RNF213: variants seen among roughly 807,000 people sequenced by gnomAD.
The protein encoded by RNF213 is ring finger protein 213, also known as E3 ubiquitin-protein ligase RNF213.
RNF213 carries 341 observed loss-of-function variants against 514.4 expected under a neutral mutation model. The ratio of observed to expected loss-of-function variants is 0.66; its 90% CI spans 0.61 to 0.73. The LOEUF is 0.73. Ranked by LOEUF, RNF213 falls within the 30% of genes least tolerant of loss-of-function variation. The pLI is 0.00. For missense variants in RNF213, 5,767 were observed against 6,615.6 expected (o/e 0.87, Z 4.45); for synonymous variants, 2,655 against 2,658.2 (o/e 1.00, Z 0.04).
intron 8 of RNF213, among the ~76,000 whole-genome samples, chr17:80,293,685 G>C (rs1053678926): frequency 6.6e-6 from 1 of 152,074 alleles, no homozygotes; most frequent in Non-Finnish European, 1.5e-5. Context: ...TTGGCCGGGC[G>C]TCTTGGCAGC....
At position 80,288,816 on chromosome 17, in the gene RNF213, T is replaced by G. The variant is rs2044572501; in HGVS notation, c.933+61T>G. The G allele has an allele frequency of 6.2e-7, 1 of 1,612,074 alleles. No individual in the cohort carries two copies. The highest frequency in any genetic ancestry group is 1.1e-5 in the South Asian group (1 of 91,018). ...CCTCTCCTGCCCACGGCTGCGCCTC[T>G]TTCATTTAATTATTCAGCAAATATT... On this transcript the variant is annotated intron_variant, in intron 5 of 67. Transcript: ENST00000582970. The surrounding 1 kb of genome is among the most constrained non-coding windows in gnomAD (Gnocchi z 4.9).
chr17:80,292,782 G>T (rs1321546811), intron 8 of RNF213, among the ~76,000 whole-genome samples: 1 of 152,044 alleles, frequency 6.6e-6, no homozygotes, highest in Non-Finnish European at 1.5e-5. Context: ...GGGGGGTCCT[G>T]GGCTTCCCCT....
rs74506458 is a variant in RNF213 at position 80,268,493 on chromosome 17, G to A, written c.97+4715G>A. Among the ~76,000 whole-genome samples the A allele has an allele frequency of 5.7e-3, 870 of 152,182 alleles. 12 individuals are homozygous for A. Among genetic ancestry groups the A allele is most frequent in the African/African-American group, 0.02 (836 of 41,530 alleles). On this transcript the variant is annotated intron_variant, in intron 2 of 67. Coordinates refer to ENST00000582970, the MANE Select transcript of RNF213 (RefSeq NM_001256071.3). ...CCCCTATTTGGCCTTTGTGGAAGAC[G>A]GGTGGATCTTGGGAATGAAAATGAA... is the stretch of plus-strand genomic sequence containing the variant.
At position 80,261,229 on chromosome 17, in the gene RNF213, G is replaced by C. The variant is rs1055842026; in HGVS notation, c.-109+327G>C. Among the ~76,000 whole-genome samples, 5 of 152,210 alleles carry C rather than the reference G, an allele frequency of 3.3e-5. No homozygotes were observed. In the East Asian group the frequency reaches 5.8e-4, roughly 18 times the overall value. On this transcript the variant is annotated intron_variant, in intron 1 of 67. Transcript: ENST00000582970. ...CAGTGCTGCCCCCGGGAAGTGGCCG[G>C]GGCACGGGGGGTGTAGTGGAAGGGG...
chr17:80,388,279 G>A (rs2080318780), intron 63 of RNF213, among the ~76,000 whole-genome samples: 1 of 152,240 alleles, frequency 6.6e-6, no homozygotes, highest in South Asian at 2.1e-4. Context: ...GTGACTGCCT[G>A]TGCATGGTCT....
intron 1 of RNF213, among the ~76,000 whole-genome samples, chr17:80,262,324 T>A (rs745748901): frequency 2.6e-5 from 4 of 152,078 alleles, no homozygotes; most frequent in South Asian, 2.1e-4. Context: ...ATGCAAATTG[T>A]CCCATACACC....
intron 38 of RNF213, chr17:80,360,447 G>C (rs539453309): frequency 5.5e-6 from 3 of 540,666 alleles, no homozygotes; most frequent in Non-Finnish European, 1.0e-5. Context: ...GCAGGAGCCT[G>C]TGAGATGGTT....
chr17:80,314,354 A>G (rs1269677768), intron 15 of RNF213, among the ~76,000 whole-genome samples: 1 of 5,972 alleles, frequency 1.7e-4, no homozygotes, highest in African/African-American at 4.8e-4. Context: ...TGGTGGAGGT[A>G]CTGGAGGTGA....
intron 26 of RNF213, among the ~76,000 whole-genome samples, chr17:80,342,704 T>C (rs2078191810): frequency 6.8e-6 from 1 of 146,240 alleles, no homozygotes; most frequent in Non-Finnish European, 1.5e-5. Flanking sequence ...ATATATTCTA[T>C]ATATACATAT....
Position 80,339,572 on chromosome 17 carries a change from C to A in RNF213, c.5205C>A (p.Asn1735Lys), listed in dbSNP as rs1194916490. The A allele has an allele frequency of 6.5e-7, 1 of 1,537,096 alleles. No homozygotes were observed. The highest frequency in any genetic ancestry group is 8.7e-7 in the Non-Finnish European group (1 of 1,146,884). The change falls in exon 26 of 68, where the codon AAC becomes AAA. Residue 1735 changes from asparagine to lysine, a missense_variant. By Grantham distance (94) the Asn-to-Lys change is moderately conservative (BLOSUM62 0). This residue lies in a region of RNF213 where 1,377 missense variants were observed against 1,635.2 expected (regional missense o/e 0.84). Coordinates refer to ENST00000582970, the MANE Select transcript of RNF213 (RefSeq NM_001256071.3). ...ALTMLSFIKS[N>K]CTLRDVLRAS... ...CGATGCTATCCTTCATCAAAAGCAA[C>A]TGCACCCTGAGGGATGTCTTAAGGG...
intron 51 of RNF213, 52 bp downstream of exon 51, chr17:80,375,922 T>G (rs1339401429): frequency 3.2e-6 from 4 of 1,260,574 alleles, no homozygotes; most frequent in Non-Finnish European, 4.7e-6. Flanking sequence ...TTGGAGGGAT[T>G]TTATTGAATA....
In RNF213 at chr17:80,363,126, T is replaced by C. The variant is rs2079117151; in HGVS notation, c.11380T>C (p.Cys3794Arg). 1 of 1,614,108 alleles carries C rather than the reference T, an allele frequency of 6.2e-7. No homozygotes were observed. Among genetic ancestry groups the C allele is most frequent in the African/African-American group, 1.3e-5 (1 of 74,950 alleles). Reference sequence around the variant, plus strand: ...GTTTCTGCAGATGGCTCTGTGGTCCTGCACTAGGAAACTGAAAGCGGCGTC... The same window carrying C: ...GTTTCTGCAGATGGCTCTGTGGTCCCGCACTAGGAAACTGAAAGCGGCGTC... ...LKFLQMALWS[C>R]TRKLKAASEA... The change falls in exon 40 of 68, where the codon TGC (cysteine) becomes CGC (arginine). Residue 3794 changes from cysteine to arginine, a missense_variant. Around this residue, in one of 13 missense-constraint regions of RNF213, gnomAD observed 355 missense variants for 358.0 expected, o/e 0.99. Coordinates refer to ENST00000582970, the MANE Select transcript of RNF213 (RefSeq NM_001256071.3).
At position 80,361,452 on chromosome 17, in the gene RNF213, G is replaced by A. The variant is rs956391853; in HGVS notation, c.11201-282G>A. ...GGAGAATCACTTGAACCTGGGAGGC[G>A]GAGGTTGCAGTGAGCAGAGATCACG... On this transcript the variant is annotated intron_variant, in intron 38 of 67. Transcript: ENST00000582970. 4.6e-5 allele frequency among the ~76,000 whole-genome samples: 7 copies of A among 152,146 alleles called. No homozygotes were observed. The South Asian group carries it at 6.2e-4, about 13-fold the overall frequency.
intron 50 of RNF213, 80 bp downstream of exon 50, chr17:80,374,669 A>G: frequency 6.6e-7 from 1 of 1,510,302 alleles, no homozygotes; most frequent in Non-Finnish European, 9.1e-7. Flanking sequence ...ATGTCAAATG[A>G]TGCAGGGTGA....
intron 44 of RNF213, 128 bp downstream of exon 44, chr17:80,368,271 T>A: frequency 1.0e-6 from 1 of 973,344 alleles, no homozygotes; most frequent in Non-Finnish European, 1.6e-6. Context: ...AGAACTATCA[T>A]AAGAGACGCC....
rs1568123101 is a variant in RNF213, at chr17:80,355,577, TGAGTGG to T, written c.10862+1004_10862+1009del. ...GGGGCTTATGGAGGAAGAAGCGGGG[TGAGTGG>T]GAATGGGGGCTTACAGGGGAAGAAG... On this transcript the variant is annotated intron_variant, in intron 36 of 67. Coordinates refer to ENST00000582970, the MANE Select transcript of RNF213 (RefSeq NM_001256071.3). 1.2e-3 allele frequency among the ~76,000 whole-genome samples: 64 copies of T among 52,522 alleles called. 11 individuals carry two copies. Among genetic ancestry groups the T allele is most frequent in the African/African-American group, 4.0e-3 (57 of 14,384 alleles). The allele number at this position is 52,522 out of a possible 152,430, so 34.5% of individuals were successfully genotyped here.
chr17:80,284,705 C>G (rs1015348832), intron 3 of RNF213, among the ~76,000 whole-genome samples: 1 of 149,150 alleles, frequency 6.7e-6, no homozygotes, highest in East Asian at 2.1e-4. Flanking sequence ...ACTCTGCCTT[C>G]CGGACGGCTC....
intron 2 of RNF213, among the ~76,000 whole-genome samples, chr17:80,267,758 T>TA (rs1228876945): frequency 6.6e-6 from 1 of 151,876 alleles, no homozygotes; most frequent in Non-Finnish European, 1.5e-5. Flanking sequence ...GAAGCTGCAG[T>TA]AAGTTCTCCA....
intron 11 of RNF213, among the ~76,000 whole-genome samples, chr17:80,304,511 G>GC (rs1032757713): frequency 6.6e-6 from 1 of 152,064 alleles, no homozygotes. Flanking sequence ...GTGGTGGCAG[G>GC]CGCCTGTAGT....
Sources: allele counts gnomAD v4.1 joint callset (sites outside exome capture counted in the v4.1 genomes callset), GRCh38; gene constraint gnomAD v4.1.1; regional missense constraint gnomAD v4.1.1; non-coding constraint Gnocchi (gnomAD v3.1); transcripts MANE v1.5; gene names NCBI Gene and HGNC (gene_info 2026-07-23, HGNC 2026-07-21).